The following TTC34 variants were observed in gnomAD, a reference collection of about 807,000 sequenced individuals.
The protein encoded by TTC34 is tetratricopeptide repeat protein 34.
In TTC34, 44 loss-of-function variants were observed where a neutral mutation model predicts 40.7. The observed-to-expected ratio is 1.08, with a 90% CI of 0.85 to 1.39. The LOEUF (loss-of-function observed/expected upper bound fraction) is 1.39. Ranked by LOEUF, TTC34 falls within the 40% of genes most tolerant of loss-of-function variation. The pLI, the probability that TTC34 is intolerant of heterozygous loss-of-function variation, is 0.00. For synonymous variants in TTC34, 422 were observed against 398.6 expected, an observed-to-expected ratio of 1.06 and a Z score of -0.70; for missense variants, 884 against 838.0, an observed-to-expected ratio of 1.05 and a Z score of -0.68.
At chr1:2,688,157 G>T (rs1305261005) in intron 6 of TTC34, among the ~76,000 whole-genome samples, 2 of 37,576 alleles carry the variant, frequency 5.3e-5, no homozygotes, top group Admixed American at 5.3e-4. Context: ...GGCCTGGAAG[G>T]GCACCCACAC....
At chr1:2,655,970 C>G (rs1419287075) in intron 6 of TTC34, among the ~76,000 whole-genome samples, 526 of 137,156 alleles carry the variant, frequency 3.8e-3, no homozygotes, top group African/African-American at 0.014. Flanking sequence ...GAGCAGCACC[C>G]ACACCCCCAG....
At chr1:2,651,706 G>A (rs1417592717) in intron 6 of TTC34, among the ~76,000 whole-genome samples, 1 of 151,182 alleles carries the variant, frequency 6.6e-6, no homozygotes, top group African/African-American at 2.4e-5. Context: ...AAACCCTACA[G>A]CACCACCCCT....
In TTC34 at chr1:2,645,666, C is replaced by G; in HGVS notation, c.2227-103G>C. 7.9e-7 allele frequency: 1 copy of G among 1,263,708 alleles called. No individual in the cohort carries two copies. Among genetic ancestry groups the G allele is most frequent in the African/African-American group, 1.5e-5 (1 of 65,464 alleles). The allele number at this position is 1,263,708 out of a possible 1,614,324, so 78.3% of individuals were successfully genotyped here. On this transcript the variant is annotated intron_variant, in intron 6 of 8. Transcript: ENST00000401095. This position sits in a 1 kb window ranked among gnomAD's most constrained non-coding sequence, Gnocchi z 4.7. ...GGCTCTGTCTTTCTCATTCCCTGATCTTCTCCCTGGGGTCCTAGAGGGTCT... is the reference window on the plus strand; with the variant it reads ...GGCTCTGTCTTTCTCATTCCCTGATGTTCTCCCTGGGGTCCTAGAGGGTCT...
At chr1:2,684,443 G>A (rs2100330176) in intron 6 of TTC34, among the ~76,000 whole-genome samples, 1 of 142,326 alleles carries the variant, frequency 7.0e-6, no homozygotes, top group Non-Finnish European at 1.6e-5. Flanking sequence ...GCACCCCCAG[G>A]TGAGCATCTG....
At chr1:2,789,339 G>A (rs1049895564) in intron 3 of TTC34, among the ~76,000 whole-genome samples, 164 bp downstream of exon 3, 10 of 152,348 alleles carry the variant, frequency 6.6e-5, no homozygotes, top group African/African-American at 2.4e-4. Flanking sequence ...ACTGCGGCCC[G>A]GTCGATGGAA....
chr1:2,792,033 T>TTTTTTTTTTTTTTTTTTTTA lies in TTC34; in HGVS notation c.785-1688_785-1687insTAAAAAAAAAAAAAAAAAAA, dbSNP rs1553171534. Among the ~76,000 whole-genome samples the TTTTTTTTTTTTTTTTTTTTA allele has an allele frequency of 1.4e-4, 15 of 107,160 alleles. 1 individual carries two copies. The highest frequency in any genetic ancestry group is 3.2e-4 in the African/African-American group (8 of 25,028). The allele number at this position is 107,160 out of a possible 152,430, so 70.3% of individuals were successfully genotyped here. On this transcript the variant is annotated intron_variant, in intron 2 of 8. Transcript: ENST00000401095. ...TTTTTTTTTTTTTTTTTTTTTTTTT[T>TTTTTTTTTTTTTTTTTTTTA]AAAGACAGGGTCTTGCTCCATCACC...
intron 6 of TTC34, among the ~76,000 whole-genome samples, chr1:2,764,122 C>T (rs1258679749): frequency 1.4e-5 from 2 of 145,238 alleles, no homozygotes; most frequent in African/African-American, 2.6e-5. Flanking sequence ...GATCTGACAG[C>T]CTGGAACAGA....
chr1:2,652,523 ACCTC>A (rs1639181898), intron 6 of TTC34, among the ~76,000 whole-genome samples: 25 of 5,776 alleles, frequency 4.3e-3, no homozygotes, highest in East Asian at 0.014. Flanking sequence ...CAGCACCCAC[ACCTC>A]CAGGCGAGCA....
intron 6 of TTC34, among the ~76,000 whole-genome samples, chr1:2,686,195 C>A (rs79623855): frequency 1.4e-5 from 2 of 147,320 alleles, no homozygotes; most frequent in South Asian, 2.1e-4. Context: ...GGAGCAGCGC[C>A]CACACCCCCA....
chr1:2,751,907 ATGGTCTGGAG>A (rs1641333204), intron 6 of TTC34, among the ~76,000 whole-genome samples: 1 of 107,926 alleles, frequency 9.3e-6, no homozygotes, highest in Admixed American at 9.6e-5. Flanking sequence ...TGAGCATCTG[ATGGTCTGGAG>A]CAGCACGCAT....
At chr1:2,771,446 C>G (rs1642117414) in intron 6 of TTC34, among the ~76,000 whole-genome samples, 1 of 79,892 alleles carries the variant, frequency 1.3e-5, no homozygotes, top group Non-Finnish European at 2.2e-5. Context: ...CCCTGCAACC[C>G]CAGGTGAGCA....
At chr1:2,761,684 C>G (rs1641686358) in intron 6 of TTC34, among the ~76,000 whole-genome samples, 1 of 59,750 alleles carries the variant, frequency 1.7e-5, no homozygotes, top group Non-Finnish European at 2.8e-5. Context: ...GGAAAGCACC[C>G]TCCACCCACA....
intron 6 of TTC34, among the ~76,000 whole-genome samples, chr1:2,687,072 C>T (rs1570816560): frequency 1.4e-5 from 2 of 143,126 alleles, no homozygotes; most frequent in Non-Finnish European, 3.0e-5. Context: ...CAGCCTGGAG[C>T]AGGACCCACA....
At chr1:2,684,390 C>T (rs1640221788) in intron 6 of TTC34, among the ~76,000 whole-genome samples, 1 of 151,762 alleles carries the variant, frequency 6.6e-6, no homozygotes, top group Admixed American at 6.5e-5. Context: ...GGAACAGAAT[C>T]CACACCCCCA....
chr1:2,782,264 C>G (rs1643495159), intron 6 of TTC34, among the ~76,000 whole-genome samples: 1 of 152,076 alleles, frequency 6.6e-6, no homozygotes, highest in African/African-American at 2.4e-5. Flanking sequence ...TCCATTTCAC[C>G]TAGATTAACT....
At chr1:2,651,600 C>T (rs1005041491) in intron 6 of TTC34, among the ~76,000 whole-genome samples, 3 of 151,956 alleles carry the variant, frequency 2.0e-5, no homozygotes, top group African/African-American at 2.4e-5. Context: ...ACCCCACACC[C>T]CCTGGTGAGT....
chr1:2,795,113 T>C (rs1001157280), intron 2 of TTC34, among the ~76,000 whole-genome samples: 1 of 149,108 alleles, frequency 6.7e-6, no homozygotes, highest in African/African-American at 2.5e-5. Flanking sequence ...TAGCCAGTTG[T>C]GATGGTGTGT....
At chr1:2,684,910 C>T (rs1288469727) in intron 6 of TTC34, among the ~76,000 whole-genome samples, 1 of 111,982 alleles carries the variant, frequency 8.9e-6, no homozygotes, top group Non-Finnish European at 1.7e-5. Flanking sequence ...TGGAACAGCA[C>T]CCTGCACACC....
chr1:2,677,003 C>CCA, intron 6 of TTC34, among the ~76,000 whole-genome samples: 1 of 87,956 alleles, frequency 1.1e-5, no homozygotes, highest in South Asian at 3.5e-4. Context: ...GGAGCAGCAC[C>CCA]CACCACTCCC....
Sources: gnomAD v4.1 joint callset for allele counts (sites outside exome capture counted in the v4.1 genomes callset) on GRCh38, gnomAD v4.1.1 for gene constraint, Gnocchi (gnomAD v3.1) non-coding constraint, MANE v1.5 for transcripts, NCBI Gene and HGNC (gene_info 2026-07-23, HGNC 2026-07-21) for gene names.